The following DENND4C variants were observed in gnomAD, a reference collection of about 807,000 sequenced individuals.
DENND4C encodes the protein DENN domain-containing protein 4C.
Under a neutral mutation model 203.0 loss-of-function variants are expected in DENND4C, and 108 were observed. The observed-to-expected ratio is 0.53, with a 90% CI of 0.46 to 0.62. The LOEUF (loss-of-function observed/expected upper bound fraction) is 0.62. Among genes scored for constraint, DENND4C ranks in the 20% least tolerant of loss-of-function variants. The pLI, the probability that DENND4C is intolerant of heterozygous loss-of-function variation, is 0.00. For missense variants in DENND4C, 2,481 were observed against 2,301.2 expected (o/e 1.08, Z -1.60); for synonymous variants, 871 against 792.4 (o/e 1.10, Z -1.67).
chr9:19,297,081 G>T (rs759702099), intron 6 of DENND4C, among the ~76,000 whole-genome samples: 2 of 152,080 alleles, frequency 1.3e-5, no homozygotes, highest in East Asian at 1.9e-4. Context: ...TTCTAGTGGC[G>T]CATTGACTTC....
rs761528518 is a variant in DENND4C, at chr9:19,300,208, G to A, written c.1188G>A (p.Leu396=). ...CTAGTGGAGCCAACTTTAGCACCTT[G>A]CTAATGAATCTGGGTCCTGAGAATT... The part of the protein sequence containing the change: ...LPLSGANFST[L]LMNLGPENCA... Residue 396 remains leucine, a synonymous_variant, in exon 9 of 33, where the codon TTG becomes TTA. Transcript: ENST00000434457. 3 of 1,609,078 alleles carry A rather than the reference G, an allele frequency of 1.9e-6. No individual in the cohort carries two copies. Among genetic ancestry groups the A allele is most frequent in the Non-Finnish European group, 2.5e-6 (3 of 1,176,506 alleles).
Position 19,334,990 on chromosome 9 carries a change from TA to T in DENND4C, c.2475del (p.Val826Ter). The part of the protein sequence containing the change: ...VDPLDEVCYR[V>X]VMQLCGLWGH... ...TTTTTTTGTTAGGTGTGCTATCGAGTAGTGATGCAGCTTTGTGGACTTTGGG... is the reference window on the plus strand; with the variant it reads ...TTTTTTTGTTAGGTGTGCTATCGAGTGTGATGCAGCTTTGTGGACTTTGGG... On this transcript the variant is annotated frameshift_variant, in exon 18 of 33. Transcript: ENST00000434457. LOFTEE classifies it high-confidence loss of function. 1 of 1,601,510 alleles carries T rather than the reference TA, an allele frequency of 6.2e-7. No homozygotes were observed. Among genetic ancestry groups the T allele is most frequent in the Non-Finnish European group, 8.5e-7 (1 of 1,176,248 alleles).
rs562489777 is a variant in DENND4C at position 19,327,706 on chromosome 9, C to G, written c.2121-324C>G. ...GAAAAACATAAAATTATGAAGTATA[C>G]TAAAATTTTTTTAAACATAAATTAT... On this transcript the variant is annotated intron_variant, in intron 15 of 32. Coordinates refer to ENST00000434457, the MANE Select transcript of DENND4C (RefSeq NM_001330640.2). Among the ~76,000 whole-genome samples, 141 of 151,854 alleles carry G rather than the reference C, an allele frequency of 9.3e-4. 1 individual carries two copies. The highest frequency in any genetic ancestry group is 3.1e-3 in the African/African-American group (129 of 41,490).
At position 19,350,819 on chromosome 9, in the gene DENND4C, A is replaced by T; in HGVS notation, c.4435A>T (p.Asn1479Tyr). ...GLVPSELTQS[N>Y]TSLGSSSSSG... is the part of the protein sequence containing the mutation. ...GGTCCCCAGTGAACTTACCCAGAGC[A>T]ACACAAGTCTTGGCAGTAGCAGCAG... The change falls in exon 24 of 33, where the codon AAC becomes TAC. Residue 1479 changes from asparagine (N) to tyrosine (Y), a missense_variant. Around this residue, in one of 3 missense-constraint regions of DENND4C, gnomAD observed 2,289 missense variants for 2,113.3 expected, o/e 1.08. Transcript: ENST00000434457. 2 of 1,614,142 alleles carry T rather than the reference A, an allele frequency of 1.2e-6. No individual in the cohort carries two copies. Among genetic ancestry groups the T allele is most frequent in the Non-Finnish European group, 1.7e-6 (2 of 1,180,020 alleles).
intron 9 of DENND4C, among the ~76,000 whole-genome samples, chr9:19,304,369 A>G (rs1372872020): frequency 2.0e-5 from 3 of 150,530 alleles, no homozygotes; most frequent in Non-Finnish European, 4.4e-5. Flanking sequence ...GTTTCAGTAG[A>G]AACATGGTTT....
chr9:19,257,295 G>T (rs1330488379), intron 1 of DENND4C, among the ~76,000 whole-genome samples: 1 of 150,460 alleles, frequency 6.6e-6, no homozygotes, highest in Admixed American at 6.6e-5. Flanking sequence ...GGCGGAGGTT[G>T]CAGTGATCCA....
chr9:19,269,692 A>C (rs539915298), intron 1 of DENND4C, among the ~76,000 whole-genome samples: 2 of 152,172 alleles, frequency 1.3e-5, no homozygotes, highest in Non-Finnish European at 2.9e-5. Context: ...TCTTTAAAAC[A>C]GCTATTTTGA....
At chr9:19,285,975 A>G (rs763932289) in intron 2 of DENND4C, among the ~76,000 whole-genome samples, 17 of 152,148 alleles carry the variant, frequency 1.1e-4, no homozygotes, top group Non-Finnish European at 2.5e-4. Context: ...GTAGTTTTGA[A>G]GTAGGGAAGT....
chr9:19,322,954 GTGAC>G (rs1843134381), intron 12 of DENND4C, among the ~76,000 whole-genome samples: 1 of 152,180 alleles, frequency 6.6e-6, no homozygotes, highest in Admixed American at 6.5e-5. Context: ...TCAAGGGACT[GTGAC>G]TGTGTGTTGA....
At position 19,373,359 on chromosome 9, in the gene DENND4C, A is replaced by C. The variant is rs1221893927; in HGVS notation, c.*1186A>C. The C allele has an allele frequency of 6.6e-6, 1 of 152,670 alleles. No individual in the cohort carries two copies. The highest frequency in any genetic ancestry group is 1.5e-5 in the Non-Finnish European group (1 of 68,034). 9.5% of individuals were successfully genotyped at this position (152,670 alleles called of 1,614,324 possible). On this transcript the variant is annotated 3_prime_UTR_variant, in exon 33 of 33. Coordinates refer to ENST00000434457, the MANE Select transcript of DENND4C (RefSeq NM_001330640.2). ...AAATCAGCTGCCTAATAATTTATGGAATTCATTGGAATGTGCTTAAAATGC... is the reference window on the plus strand; with the variant it reads ...AAATCAGCTGCCTAATAATTTATGGCATTCATTGGAATGTGCTTAAAATGC...
chr9:19,359,535 A>G (rs560522448), intron 28 of DENND4C, among the ~76,000 whole-genome samples: 25 of 151,982 alleles, frequency 1.6e-4, no homozygotes, highest in African/African-American at 6.1e-4. Flanking sequence ...TTGCTTTCTT[A>G]TATGACAAGA....
At chr9:19,305,550 A>C (rs751875472) in intron 10 of DENND4C, 23 bp downstream of exon 10, 2 of 1,593,858 alleles carry the variant, frequency 1.3e-6, no homozygotes, top group South Asian at 2.2e-5. Flanking sequence ...ATTTTATATT[A>C]TCTCCCATTT....
At chr9:19,265,398 C>T (rs922200327) in intron 1 of DENND4C, among the ~76,000 whole-genome samples, 11 of 151,710 alleles carry the variant, frequency 7.3e-5, no homozygotes, top group Non-Finnish European at 1.5e-4. Context: ...CATGTGTTTA[C>T]GTAGTTCCCA....
chr9:19,295,974 T>G (rs1009001562), intron 5 of DENND4C, 34 bp from the exon 6 acceptor site: 10 of 1,503,842 alleles, frequency 6.6e-6, no homozygotes, highest in East Asian at 4.5e-5. Flanking sequence ...TCAAACAAAC[T>G]CAAATCTTAT....
rs574471455 is a variant in DENND4C, at chr9:19,303,317, T to C, written c.1312-2035T>C. 3.4e-3 allele frequency among the ~76,000 whole-genome samples: 524 copies of C among 152,320 alleles called. 3 individuals carry two copies. The highest frequency in any genetic ancestry group is 0.012 in the African/African-American group (480 of 41,570). ...TTATGTTTTTCATTTATTTTCTCTC[T>C]TCCTGCTAGACAAGGTGTTTGCAAA... On this transcript the variant is annotated intron_variant, in intron 9 of 32. Coordinates refer to ENST00000434457, the MANE Select transcript of DENND4C (RefSeq NM_001330640.2).
intron 1 of DENND4C, among the ~76,000 whole-genome samples, chr9:19,265,037 A>T (rs1289656989): frequency 6.6e-6 from 1 of 151,890 alleles, no homozygotes; most frequent in Non-Finnish European, 1.5e-5. Context: ...TTTTTTTGAG[A>T]CAAGGTCTCA....
chr9:19,232,297 C>T (rs1236182195), intron 1 of DENND4C, among the ~76,000 whole-genome samples: 3 of 151,906 alleles, frequency 2.0e-5, no homozygotes, highest in African/African-American at 7.3e-5. Context: ...GGGTTTTCTG[C>T]CACTCAATCC....
intron 12 of DENND4C, among the ~76,000 whole-genome samples, chr9:19,323,766 A>G (rs1449792861): frequency 6.6e-6 from 1 of 152,228 alleles, no homozygotes; most frequent in African/African-American, 2.4e-5. Context: ...AGAAATTTCT[A>G]CTTAAAAGTT....
At chr9:19,314,326 C>T (rs1417308615) in intron 10 of DENND4C, among the ~76,000 whole-genome samples, 5 of 151,414 alleles carry the variant, frequency 3.3e-5, no homozygotes, top group African/African-American at 7.3e-5. Flanking sequence ...TGGTGCCACA[C>T]GCCTGTAGTC....
Sources: gnomAD v4.1 joint callset for allele counts (sites outside exome capture counted in the v4.1 genomes callset) on GRCh38, gnomAD v4.1.1 for gene constraint, gnomAD v4.1.1 regional missense constraint, MANE v1.5 for transcripts, NCBI Gene and HGNC (gene_info 2026-07-23, HGNC 2026-07-21) for gene names.